Variants in SOS2 observed in about 807,000 individuals in gnomAD.
The protein encoded by SOS2 is son of sevenless homolog 2.
A neutral mutation model predicts 148.2 loss-of-function variants in SOS2; 65 were observed. The ratio of observed to expected loss-of-function variants is 0.44; its 90% CI spans 0.36 to 0.54. The LOEUF (loss-of-function observed/expected upper bound fraction) is 0.54, where lower values mean the gene tolerates loss of function less well. Among genes scored for constraint, SOS2 ranks in the 20% least tolerant of loss-of-function variants. SOS2 has a pLI of 0.00. For missense variants in SOS2, 1,341 were observed against 1,590.2 expected, an observed-to-expected ratio of 0.84 and a Z score of 2.67; for synonymous variants, 539 against 537.1, an observed-to-expected ratio of 1.00 and a Z score of -0.05.
At chr14:50,205,878 C>G (rs935392894) in intron 1 of SOS2, among the ~76,000 whole-genome samples, 1 of 150,230 alleles carries the variant, frequency 6.7e-6, no homozygotes, top group Non-Finnish European at 1.5e-5. Context: ...AGAGATCGCA[C>G]CACTGCACTC....
At chr14:50,172,158 G>C (rs887550057) in intron 8 of SOS2, among the ~76,000 whole-genome samples, 10 of 152,172 alleles carry the variant, frequency 6.6e-5, no homozygotes, top group African/African-American at 9.7e-5. Flanking sequence ...TGTGTATGTA[G>C]TGGTATCCTG....
Position 50,118,222 on chromosome 14 carries a change from G to T in SOS2, c.*122C>A. On this transcript the variant is annotated 3_prime_UTR_variant, in exon 23 of 23. Coordinates refer to ENST00000216373, the MANE Select transcript of SOS2 (RefSeq NM_006939.4). ...CAATTCTTAAAAGCTTATTTGATCA[G>T]TAGCATTTTTGTAAGAGCATTATTT... is the stretch of plus-strand genomic sequence containing the variant. 1 of 805,534 alleles carries T rather than the reference G, an allele frequency of 1.2e-6. No individual in the cohort carries two copies. The highest frequency in any genetic ancestry group is 1.9e-6 in the Non-Finnish European group (1 of 515,764). The allele number at this position is 805,534 out of a possible 1,614,324, so 49.9% of individuals were successfully genotyped here.
intron 19 of SOS2, among the ~76,000 whole-genome samples, chr14:50,133,912 C>T (rs552075649): frequency 6.6e-6 from 1 of 151,932 alleles, no homozygotes; most frequent in East Asian, 1.9e-4. Context: ...CAAAAGTAGA[C>T]ACATAAATAA....
Position 50,118,335 on chromosome 14 carries a change from T to C in SOS2, c.*9A>G. 1 of 1,608,188 alleles carries C rather than the reference T, an allele frequency of 6.2e-7. No homozygotes were observed. ...CCATTCCAGTGTCAATGACTACATATGGCTAAGGTCATTGGGGAGTTTCTG... is the reference window on the plus strand; with the variant it reads ...CCATTCCAGTGTCAATGACTACATACGGCTAAGGTCATTGGGGAGTTTCTG... On this transcript the variant is annotated 3_prime_UTR_variant, in exon 23 of 23. Transcript: ENST00000216373.
chr14:50,174,616 C>A, intron 7 of SOS2, 64 bp from the exon 8 acceptor site: 7 of 909,604 alleles, frequency 7.7e-6, no homozygotes, highest in South Asian at 3.5e-5. Context: ...AACAGCAGTG[C>A]CTAACAGAAA....
chr14:50,178,683 T>C (rs1469395302), intron 7 of SOS2, among the ~76,000 whole-genome samples: 502 of 8,030 alleles, frequency 0.063, 12 homozygotes, highest in African/African-American at 0.24. Context: ...TATATATATA[T>C]ATATATATAT....
chr14:50,167,258 A>T (rs1041162757), intron 8 of SOS2, among the ~76,000 whole-genome samples: 1 of 152,122 alleles, frequency 6.6e-6, no homozygotes, highest in East Asian at 1.9e-4. Context: ...GAGTTGAGAG[A>T]TTTCTTTCAA....
chr14:50,130,830 G>C (rs1224377495), intron 19 of SOS2, 68 bp from the exon 20 acceptor site: 3 of 1,379,098 alleles, frequency 2.2e-6, no homozygotes, highest in Non-Finnish European at 3.0e-6. Flanking sequence ...GTGACTTAGA[G>C]CTACCTTATT....
At chr14:50,230,745 T>C (rs938024418) in intron 1 of SOS2, 9 of 174,644 alleles carry the variant, frequency 5.2e-5, no homozygotes, top group Non-Finnish European at 7.9e-5. Flanking sequence ...ACATCCATAT[T>C]ACAAAAAACC....
intron 12 of SOS2, chr14:50,156,289 AAGTC>A (rs1884818630): frequency 6.8e-6 from 1 of 147,680 alleles, no homozygotes; most frequent in Non-Finnish European, 1.5e-5. Context: ...CACGCAAAGA[AAGTC>A]AGACATGAGT....
At chr14:50,221,074 C>G (rs941734285) in intron 1 of SOS2, among the ~76,000 whole-genome samples, 14 of 152,074 alleles carry the variant, frequency 9.2e-5, no homozygotes, top group African/African-American at 3.1e-4. Context: ...GAACATGTTT[C>G]TAAGAAAAAA....
chr14:50,210,169 A>G (rs1411117162), intron 1 of SOS2, among the ~76,000 whole-genome samples: 1 of 152,224 alleles, frequency 6.6e-6, no homozygotes, highest in East Asian at 1.9e-4. Flanking sequence ...ATAGTAATGA[A>G]GAATGTGACA....
Position 50,188,707 on chromosome 14 carries a change from A to C in SOS2, c.511-7T>G. 6.4e-7 allele frequency: 1 copy of C among 1,562,596 alleles called. No individual in the cohort carries two copies. The highest frequency in any genetic ancestry group is 8.7e-7 in the Non-Finnish European group (1 of 1,149,698). On this transcript the variant is annotated splice_polypyrimidine_tract_variant and splice_region_variant and intron_variant, in intron 4 of 22. Transcript: ENST00000216373. ...CAAACATGTCCATCAAAACCTGAGA[A>C]ACAGAAATCAATAATGTATAAATTT...
At chr14:50,152,329 CCT>C (rs1884683540) in intron 13 of SOS2, among the ~76,000 whole-genome samples, 1 of 151,964 alleles carries the variant, frequency 6.6e-6, no homozygotes, top group South Asian at 2.1e-4. Flanking sequence ...ATAGAAAACT[CCT>C]CTCTTTCAGA....
chr14:50,208,603 T>C (rs1340622945), intron 1 of SOS2, among the ~76,000 whole-genome samples: 4 of 152,074 alleles, frequency 2.6e-5, no homozygotes, highest in Admixed American at 2.6e-4. Flanking sequence ...GCTGAGATCA[T>C]GCCACCGCAC....
intron 21 of SOS2, among the ~76,000 whole-genome samples, chr14:50,125,101 T>C (rs568026636): frequency 2.0e-5 from 3 of 152,306 alleles, no homozygotes; most frequent in East Asian, 1.9e-4. Flanking sequence ...TCTTTGCAGA[T>C]GTAATGAAGT....
chr14:50,127,470 T>G (rs1883721881), intron 21 of SOS2, among the ~76,000 whole-genome samples: 1 of 152,126 alleles, frequency 6.6e-6, no homozygotes, highest in South Asian at 2.1e-4. Flanking sequence ...CAAAGCTCCT[T>G]GCCCTCCATC....
intron 1 of SOS2, among the ~76,000 whole-genome samples, chr14:50,221,700 T>A (rs1887207278): frequency 6.6e-6 from 1 of 152,154 alleles, no homozygotes; most frequent in Admixed American, 6.5e-5. Flanking sequence ...TAGCCAAGTG[T>A]GGTGGCATGT....
intron 3 of SOS2, 148 bp downstream of exon 3, chr14:50,200,805 T>C: frequency 3.3e-6 from 2 of 604,218 alleles, no homozygotes; most frequent in East Asian, 2.9e-5. Flanking sequence ...CATATTAATA[T>C]ATGCGATGTG....
Sources: allele counts gnomAD v4.1 joint callset (sites outside exome capture counted in the v4.1 genomes callset), GRCh38; gene constraint gnomAD v4.1.1; transcripts MANE v1.5; gene names NCBI Gene and HGNC (gene_info 2026-07-23, HGNC 2026-07-21).